The following CORIN variants were observed in gnomAD, a reference collection of about 807,000 sequenced individuals.
CORIN encodes atrial natriuretic peptide-converting enzyme.
In CORIN, 117 loss-of-function variants were observed where a neutral mutation model predicts 125.3. The ratio of observed to expected loss-of-function variants is 0.93; its 90% confidence interval spans 0.80 to 1.09. The LOEUF (loss-of-function observed/expected upper bound fraction) is 1.09, where lower values mean the gene tolerates loss of function less well. Ranked by LOEUF, CORIN falls within the 50% of genes least tolerant of loss-of-function variation. The pLI is 0.00. For missense variants in CORIN, 1,253 were observed against 1,306.7 expected (o/e 0.96, Z 0.63); for synonymous variants, 450 against 466.4 (o/e 0.96, Z 0.45).
At chr4:47,601,438 G>T (rs1443888523) in intron 20 of CORIN, among the ~76,000 whole-genome samples, 1 of 151,828 alleles carries the variant, frequency 6.6e-6, no homozygotes, top group African/African-American at 2.4e-5. Context: ...CACCTTCAAG[G>T]CTCAAGAAAT....
chr4:47,775,487 C>T (rs148466728), intron 3 of CORIN, among the ~76,000 whole-genome samples: 304 of 152,154 alleles, frequency 2.0e-3, no homozygotes, highest in African/African-American at 6.8e-3. Flanking sequence ...TCTGTCCTTG[C>T]GATAGTTTGC....
intron 1 of CORIN, among the ~76,000 whole-genome samples, chr4:47,814,189 C>A (rs1277916404): frequency 6.6e-6 from 1 of 152,104 alleles, no homozygotes; most frequent in Non-Finnish European, 1.5e-5. Flanking sequence ...TAAAGTGACT[C>A]CTACTGGTGT....
At chr4:47,682,145 G>C (rs1725313863) in intron 7 of CORIN, 1 of 152,470 alleles carries the variant, frequency 6.6e-6, no homozygotes, top group Non-Finnish European at 1.5e-5. Flanking sequence ...GGAGGAGGAG[G>C]GACAAAGAGA....
chr4:47,595,749 ATCTG>A lies in CORIN; in HGVS notation c.3097_3100del (p.Gln1033PhefsTer8), dbSNP rs758638403. Reference sequence around the variant, plus strand: ...GTTTAGGAGAAAGGTCTGGATGTAAATCTGTCTTTTAATCCATTCGACGAAATAT... The same window carrying A: ...GTTTAGGAGAAAGGTCTGGATGTAAATCTTTTAATCCATTCGACGAAATAT... On this transcript the variant is annotated frameshift_variant, in exon 22 of 22. Coordinates refer to ENST00000273857, the MANE Select transcript of CORIN (RefSeq NM_006587.4). LOFTEE classifies it high-confidence loss of function. 9 of 1,609,778 alleles carry A rather than the reference ATCTG, an allele frequency of 5.6e-6. No homozygotes were observed. Among genetic ancestry groups the A allele is most frequent in the Non-Finnish European group, 7.6e-6 (9 of 1,178,832 alleles).
intron 5 of CORIN, among the ~76,000 whole-genome samples, chr4:47,694,277 A>T (rs992901435): frequency 2.0e-5 from 3 of 152,230 alleles, no homozygotes; most frequent in African/African-American, 7.2e-5. Context: ...ATTAGGATTA[A>T]AGTAAGTTTA....
intron 8 of CORIN, among the ~76,000 whole-genome samples, chr4:47,679,008 A>G (rs934103145): frequency 6.6e-6 from 1 of 152,256 alleles, no homozygotes; most frequent in Non-Finnish European, 1.5e-5. Context: ...AAAACTATGT[A>G]ATCCACATTT....
At chr4:47,805,031 T>G (rs1263357537) in intron 2 of CORIN, among the ~76,000 whole-genome samples, 5 of 149,806 alleles carry the variant, frequency 3.3e-5, no homozygotes, top group South Asian at 2.1e-4. Flanking sequence ...AGCTACTTGG[T>G]AGGCTGAGGC....
At chr4:47,680,027 T>C (rs2109711260) in intron 8 of CORIN, 114 bp downstream of exon 8, 2 of 635,084 alleles carry the variant, frequency 3.1e-6, no homozygotes, top group East Asian at 5.8e-5. Context: ...TAAGAATCTT[T>C]CCCTTGGAAT....
intron 14 of CORIN, among the ~76,000 whole-genome samples, chr4:47,643,509 G>A (rs572378828): frequency 6.6e-6 from 1 of 152,236 alleles, no homozygotes; most frequent in African/African-American, 2.4e-5. Context: ...CTAACAATCA[G>A]ACTGAATAAA....
intron 16 of CORIN, among the ~76,000 whole-genome samples, chr4:47,637,699 A>G (rs11947985): frequency 0.26 from 39,577 of 151,966 alleles, 5,329 homozygotes; most frequent in Admixed American, 0.35. Context: ...AGATTTCAGA[A>G]GATGTGTGGA....
intron 5 of CORIN, among the ~76,000 whole-genome samples, chr4:47,731,600 G>A (rs915261464): frequency 6.6e-6 from 1 of 152,198 alleles, no homozygotes; most frequent in African/African-American, 2.4e-5. Flanking sequence ...GCCGGGCACG[G>A]TGGCTCACGC....
Position 47,810,913 on chromosome 4 carries a change from C to A in CORIN, c.64-3866G>T, listed in dbSNP as rs548904118. Reference sequence around the variant, plus strand: ...TAGCTCAAACTCAACAAGTCTGGAACCAAATAAACAATTTTCATCCCCATA... The same window carrying A: ...TAGCTCAAACTCAACAAGTCTGGAAACAAATAAACAATTTTCATCCCCATA... On this transcript the variant is annotated intron_variant, in intron 1 of 21. Coordinates refer to ENST00000273857, the MANE Select transcript of CORIN (RefSeq NM_006587.4). Among the ~76,000 whole-genome samples, 28 of 152,272 alleles carry A rather than the reference C, an allele frequency of 1.8e-4. No homozygotes were observed. The East Asian group carries it at 5.2e-3, about 28-fold the overall frequency.
intron 5 of CORIN, among the ~76,000 whole-genome samples, chr4:47,732,565 CT>C (rs35277149): frequency 3.4e-3 from 475 of 138,118 alleles, no homozygotes; most frequent in African/African-American, 9.4e-3. Flanking sequence ...GTAATCTACT[CT>C]TTTTTTTTTT....
chr4:47,643,894 TG>T (rs1723348766), intron 14 of CORIN, among the ~76,000 whole-genome samples: 1 of 152,198 alleles, frequency 6.6e-6, no homozygotes, highest in African/African-American at 2.4e-5. Context: ...TTTTTTTGTT[TG>T]TTTGTTTCTG....
intron 4 of CORIN, among the ~76,000 whole-genome samples, chr4:47,760,627 T>C (rs1404001297): frequency 2.0e-5 from 3 of 152,356 alleles, no homozygotes; most frequent in Non-Finnish European, 2.9e-5. Context: ...TAAAAGATCA[T>C]TGGCTTCAAC....
chr4:47,700,252 T>C (rs764248687), intron 5 of CORIN, among the ~76,000 whole-genome samples: 4 of 152,150 alleles, frequency 2.6e-5, no homozygotes, highest in Admixed American at 6.5e-5. Context: ...AAATGAAACA[T>C]AGAATGAGTG....
chr4:47,609,942 T>C (rs939073311), intron 19 of CORIN, among the ~76,000 whole-genome samples: 4 of 152,226 alleles, frequency 2.6e-5, no homozygotes, highest in African/African-American at 9.6e-5. Flanking sequence ...TCTCATTCCA[T>C]TTTATGGCTG....
rs561873503 is a variant in CORIN, at chr4:47,694,798, T to G, written c.800-1715A>C. 3.0e-4 allele frequency among the ~76,000 whole-genome samples: 45 copies of G among 152,156 alleles called. 1 individual carries two copies. The highest frequency in any genetic ancestry group is 7.9e-4 in the Admixed American group (12 of 15,270). On this transcript the variant is annotated intron_variant, in intron 5 of 21. Coordinates refer to ENST00000273857, the MANE Select transcript of CORIN (RefSeq NM_006587.4). ...TGGCTGGCACTCAGGAGGTTCTCGA[T>G]TCAATGGAAAAAGTTACCTAAATCC...
intron 5 of CORIN, among the ~76,000 whole-genome samples, chr4:47,729,392 A>G (rs991436693): frequency 6.6e-6 from 1 of 152,194 alleles, no homozygotes; most frequent in African/African-American, 2.4e-5. Flanking sequence ...TCTCCCTAGC[A>G]TGTTCTATGT....
Sources: allele counts gnomAD v4.1 joint callset (sites outside exome capture counted in the v4.1 genomes callset), GRCh38; gene constraint gnomAD v4.1.1; transcripts MANE v1.5; gene names NCBI Gene and HGNC (gene_info 2026-07-23, HGNC 2026-07-21).